The following ELMO1 variants were observed in gnomAD, a reference collection of about 807,000 sequenced individuals.
ELMO1 encodes the protein engulfment and cell motility 1.
Under a neutral mutation model 98.9 loss-of-function variants are expected in ELMO1, and 26 were observed. The ratio of observed to expected loss-of-function variants is 0.26; its 90% CI spans 0.19 to 0.36. The LOEUF (loss-of-function observed/expected upper bound fraction) is 0.36. Ranked by LOEUF, ELMO1 falls within the 10% of genes least tolerant of loss-of-function variation. The pLI is 1.00. For missense variants in ELMO1, 627 were observed against 935.2 expected (o/e 0.67, Z 4.30); for synonymous variants, 346 against 346.0 (o/e 1.00, Z 0.00).
intron 13 of ELMO1, among the ~76,000 whole-genome samples, chr7:37,143,232 C>A (rs1787752834): frequency 6.6e-6 from 1 of 152,034 alleles, no homozygotes; most frequent in Admixed American, 6.6e-5. Context: ...GGGTAGCTTG[C>A]CCAAAGTTTC....
intron 14 of ELMO1, among the ~76,000 whole-genome samples, chr7:37,117,817 C>T (rs960035517): frequency 3.3e-5 from 5 of 152,216 alleles, no homozygotes; most frequent in African/African-American, 1.2e-4. Context: ...CCCAACAAGG[C>T]TGTGCCTTTG....
At chr7:37,275,391 G>A (rs1562574027) in intron 4 of ELMO1, among the ~76,000 whole-genome samples, 1 of 152,208 alleles carries the variant, frequency 6.6e-6, no homozygotes, top group Non-Finnish European at 1.5e-5. Flanking sequence ...TTGCTTTCAA[G>A]AAAGGGTCTT....
chr7:37,053,087 C>T (rs1385588452), intron 15 of ELMO1, among the ~76,000 whole-genome samples: 3 of 152,110 alleles, frequency 2.0e-5, no homozygotes, highest in African/African-American at 7.2e-5. Context: ...CATTTCCAGA[C>T]ATGGACAAAA....
intron 4 of ELMO1, among the ~76,000 whole-genome samples, chr7:37,300,777 G>A (rs889786348): frequency 1.3e-5 from 2 of 150,086 alleles, no homozygotes; most frequent in Non-Finnish European, 3.0e-5. Flanking sequence ...AATGATGCTG[G>A]CCTCATAAAT....
At chr7:37,371,200 A>G (rs1345949676) in intron 1 of ELMO1, among the ~76,000 whole-genome samples, 1 of 152,252 alleles carries the variant, frequency 6.6e-6, no homozygotes, top group Non-Finnish European at 1.5e-5. Context: ...GTTGCAAAAA[A>G]AAATCATTTG....
At chr7:37,200,214 C>T (rs958355992) in intron 13 of ELMO1, among the ~76,000 whole-genome samples, 1 of 151,192 alleles carries the variant, frequency 6.6e-6, no homozygotes, top group Non-Finnish European at 1.5e-5. Flanking sequence ...GCTGGGACTA[C>T]AGACGCATGC....
intron 17 of ELMO1, 72 bp downstream of exon 17, chr7:36,894,782 T>G (rs1452186657): frequency 6.3e-7 from 1 of 1,592,616 alleles, no homozygotes; most frequent in Admixed American, 1.7e-5. Flanking sequence ...CCCAGCTTCA[T>G]GACAGGCGGT....
At chr7:37,431,953 C>T (rs1804950296) in intron 1 of ELMO1, among the ~76,000 whole-genome samples, 1 of 152,200 alleles carries the variant, frequency 6.6e-6, no homozygotes, top group South Asian at 2.1e-4. Flanking sequence ...GCGATCTCAG[C>T]TCACCACAGC....
intron 5 of ELMO1, among the ~76,000 whole-genome samples, chr7:37,262,260 G>A (rs1796015902): frequency 6.6e-6 from 1 of 152,116 alleles, no homozygotes; most frequent in Admixed American, 6.5e-5. Context: ...TCAAGACTGT[G>A]GAGTCCTCCC....
chr7:37,036,615 G>C (rs565532345), intron 15 of ELMO1, among the ~76,000 whole-genome samples: 1 of 152,212 alleles, frequency 6.6e-6, no homozygotes, highest in East Asian at 1.9e-4. Flanking sequence ...CTAACCTCAA[G>C]TAATCCTCCC....
intron 13 of ELMO1, among the ~76,000 whole-genome samples, chr7:37,164,735 C>CAAGGCCTTTA (rs1407013545): frequency 1.3e-5 from 2 of 149,780 alleles, no homozygotes; most frequent in African/African-American, 4.9e-5. Flanking sequence ...GTTTTGGTTA[C>CAAGGCCTTTA]TGTAGCCTTG....
chr7:37,380,086 T>A (rs1802522307), intron 1 of ELMO1, among the ~76,000 whole-genome samples: 1 of 152,220 alleles, frequency 6.6e-6, no homozygotes, highest in African/African-American at 2.4e-5. Context: ...GCGTGACTCT[T>A]GTGTAGTATG....
At chr7:37,067,417 C>T (rs1477022608) in intron 15 of ELMO1, among the ~76,000 whole-genome samples, 3 of 152,268 alleles carry the variant, frequency 2.0e-5, no homozygotes, top group South Asian at 4.1e-4. Flanking sequence ...CAACAAAGAG[C>T]GACAGAAATG....
At chr7:37,276,661 T>C (rs1376350992) in intron 4 of ELMO1, among the ~76,000 whole-genome samples, 1 of 152,232 alleles carries the variant, frequency 6.6e-6, no homozygotes, top group African/African-American at 2.4e-5. Flanking sequence ...TAGACCCTTA[T>C]TTGTTTTTAG....
intron 6 of ELMO1, among the ~76,000 whole-genome samples, chr7:37,255,330 A>G (rs1260663201): frequency 1.3e-5 from 2 of 152,228 alleles, no homozygotes; most frequent in Admixed American, 1.3e-4. Context: ...GCAGCCATCC[A>G]CTATCCAGAG....
chr7:37,325,551 G>C (rs919969797), intron 2 of ELMO1, among the ~76,000 whole-genome samples: 11 of 151,936 alleles, frequency 7.2e-5, no homozygotes, highest in African/African-American at 2.7e-4. Flanking sequence ...CCCTCTAACT[G>C]CAAAATGCTT....
chr7:37,263,950 A>ATGTTTG (rs1366855883), intron 5 of ELMO1, among the ~76,000 whole-genome samples: 4 of 152,240 alleles, frequency 2.6e-5, no homozygotes, highest in African/African-American at 9.6e-5. Context: ...CCCTTAAAAC[A>ATGTTTG]GCATTCATAG....
intron 14 of ELMO1, among the ~76,000 whole-genome samples, chr7:37,122,252 C>T (rs1366920237): frequency 6.6e-6 from 1 of 152,150 alleles, no homozygotes; most frequent in Non-Finnish European, 1.5e-5. Context: ...AACCAGCCAA[C>T]ATCATAATGA....
intron 15 of ELMO1, among the ~76,000 whole-genome samples, chr7:37,060,061 A>T (rs973969775): frequency 4.6e-5 from 7 of 152,256 alleles, no homozygotes; most frequent in Non-Finnish European, 8.8e-5. Context: ...CATATCTGTG[A>T]TCACACTGAC....
Sources: allele counts gnomAD v4.1 joint callset (sites outside exome capture counted in the v4.1 genomes callset), GRCh38; gene constraint gnomAD v4.1.1; transcripts MANE v1.5; gene names NCBI Gene and HGNC (gene_info 2026-07-23, HGNC 2026-07-21).